Variants in SBF2 observed in about 807,000 individuals in gnomAD.
SBF2 encodes the protein SET binding factor 2, also known as myotubularin-related protein 13.
SBF2 carries 112 observed loss-of-function variants against 225.2 expected under a neutral mutation model. The observed-to-expected ratio is 0.50, with a 90% CI of 0.43 to 0.58. SBF2 has a LOEUF of 0.58. SBF2 is among the 20% of genes least tolerant of loss of function. SBF2 has a pLI of 0.00. For missense variants in SBF2, 1,996 were observed against 2,206.2 expected, an observed-to-expected ratio of 0.90 and a Z score of 1.91; for synonymous variants, 763 against 773.3, an observed-to-expected ratio of 0.99 and a Z score of 0.22.
intron 1 of SBF2, among the ~76,000 whole-genome samples, chr11:10,304,297 A>G (rs1178804426): frequency 6.6e-6 from 1 of 152,222 alleles, no homozygotes; most frequent in African/African-American, 2.4e-5. Context: ...GCCAGGCACA[A>G]TCTCAGGTTA....
intron 6 of SBF2, among the ~76,000 whole-genome samples, chr11:10,009,321 A>G (rs1054719485): frequency 6.6e-6 from 1 of 152,152 alleles, no homozygotes; most frequent in Non-Finnish European, 1.5e-5. Flanking sequence ...AGGTTTGCCA[A>G]ATAGGTATAC....
At chr11:10,164,794 C>T (rs1050054895) in intron 2 of SBF2, among the ~76,000 whole-genome samples, 2 of 151,982 alleles carry the variant, frequency 1.3e-5, no homozygotes, top group Non-Finnish European at 2.9e-5. Context: ...TCTATACACC[C>T]ATACCACAGC....
chr11:10,022,988 G>C (rs1948918261), intron 6 of SBF2, among the ~76,000 whole-genome samples: 2 of 152,068 alleles, frequency 1.3e-5, no homozygotes, highest in Admixed American at 1.3e-4. Flanking sequence ...CATAATACTT[G>C]CTTGTTTTTC....
intron 17 of SBF2, among the ~76,000 whole-genome samples, chr11:9,877,643 G>C (rs1036050590): frequency 6.6e-6 from 1 of 152,052 alleles, no homozygotes; most frequent in African/African-American, 2.4e-5. Flanking sequence ...GAGAACATGC[G>C]GTGTTTGGTT....
chr11:10,245,279 C>T (rs10770103), intron 1 of SBF2, among the ~76,000 whole-genome samples: 1 of 151,888 alleles, frequency 6.6e-6, no homozygotes, highest in African/African-American at 2.4e-5. Context: ...TGTGGGAGTG[C>T]ATGCCTGCAA....
At chr11:10,164,106 C>T (rs541800182) in intron 2 of SBF2, among the ~76,000 whole-genome samples, 1 of 152,164 alleles carries the variant, frequency 6.6e-6, no homozygotes, top group Non-Finnish European at 1.5e-5. Context: ...AGTCATCCAA[C>T]CAAACCCTGT....
intron 1 of SBF2, among the ~76,000 whole-genome samples, chr11:10,255,785 T>C (rs774986085): frequency 6.6e-6 from 1 of 152,186 alleles, no homozygotes; most frequent in African/African-American, 2.4e-5. Flanking sequence ...TGGTCATCCA[T>C]AAAATTAAGA....
intron 4 of SBF2, among the ~76,000 whole-genome samples, chr11:10,030,172 CAACTT>C (rs1451184885): frequency 1.3e-5 from 2 of 152,152 alleles, no homozygotes; most frequent in Non-Finnish European, 2.9e-5. Context: ...GTTTTTGCCT[CAACTT>C]AAGTCTGTTA....
intron 38 of SBF2, 80 bp from the exon 39 acceptor site, chr11:9,781,718 C>T (rs1852020708): frequency 6.6e-7 from 1 of 1,516,300 alleles, no homozygotes; most frequent in Non-Finnish European, 9.1e-7. Context: ...ATTTGAATAC[C>T]TTCCTCTGTA....
At position 9,994,144 on chromosome 11, in the gene SBF2, A is replaced by T; in HGVS notation, c.976-146T>A. 7.0e-6 allele frequency: 5 copies of T among 718,266 alleles called. No individual in the cohort carries two copies. The South Asian group carries it at 8.4e-5, about 12-fold the overall frequency. The allele number at this position is 718,266 out of a possible 1,614,324, so 44.5% of individuals were successfully genotyped here. ...AATTAGCTGGGGTAGTTCTATATGT[A>T]CTATTGTAGAAAGATCTCCAAGACA... On this transcript the variant is annotated intron_variant, in intron 9 of 39. Transcript: ENST00000256190.
chr11:10,130,723 C>A, intron 2 of SBF2, among the ~76,000 whole-genome samples: 1 of 152,138 alleles, frequency 6.6e-6, no homozygotes, highest in East Asian at 1.9e-4. Flanking sequence ...CCATGACTAC[C>A]ATTAATTTCC....
intron 1 of SBF2, among the ~76,000 whole-genome samples, chr11:10,266,655 A>AG (rs1962020554): frequency 6.6e-6 from 1 of 152,264 alleles, no homozygotes; most frequent in Admixed American, 6.5e-5. Flanking sequence ...ACACTTGATT[A>AG]GTTATTTCCT....
intron 28 of SBF2, chr11:9,828,242 G>C: frequency 1.6e-6 from 2 of 1,284,918 alleles, no homozygotes; most frequent in Non-Finnish European, 2.0e-6. Flanking sequence ...CCAAAAAGAA[G>C]AACAAAAACC....
At chr11:9,884,486 A>T (rs1043761847) in intron 17 of SBF2, among the ~76,000 whole-genome samples, 2 of 152,234 alleles carry the variant, frequency 1.3e-5, no homozygotes, top group African/African-American at 4.8e-5. Flanking sequence ...AGGAATTCCT[A>T]CTATACTGCA....
chr11:9,825,749 T>G (rs893549690), intron 28 of SBF2, among the ~76,000 whole-genome samples: 2 of 152,136 alleles, frequency 1.3e-5, no homozygotes, highest in Non-Finnish European at 2.9e-5. Flanking sequence ...AAGCACTGAT[T>G]CGTATAATAA....
Position 10,194,526 on chromosome 11 carries a change from T to A in SBF2, c.56-539A>T, listed in dbSNP as rs184548400. Among the ~76,000 whole-genome samples, 135 of 152,288 alleles carry A rather than the reference T, an allele frequency of 8.9e-4. 1 individual carries two copies. The highest frequency in any genetic ancestry group is 7.4e-5 in the Non-Finnish European group (5 of 68,016). On this transcript the variant is annotated intron_variant, in intron 1 of 39. Transcript: ENST00000256190. ...AATCTCTATTCTATAAACACTTTTTTTTGAGGCAGAGTCTTGCTCTGTTGT... is the reference window on the plus strand; with the variant it reads ...AATCTCTATTCTATAAACACTTTTTATTGAGGCAGAGTCTTGCTCTGTTGT...
chr11:10,073,576 G>T (rs1471706431), intron 2 of SBF2, among the ~76,000 whole-genome samples: 1 of 152,092 alleles, frequency 6.6e-6, no homozygotes, highest in Non-Finnish European at 1.5e-5. Context: ...AACTAGCTGG[G>T]TGTGGTGGCA....
At chr11:10,076,232 T>C (rs1179106902) in intron 2 of SBF2, among the ~76,000 whole-genome samples, 1 of 152,084 alleles carries the variant, frequency 6.6e-6, no homozygotes, top group East Asian at 1.9e-4. Flanking sequence ...AGATCTTAAG[T>C]TGGAGAACAG....
At chr11:9,843,438 AC>A (rs1468936781) in intron 24 of SBF2, among the ~76,000 whole-genome samples, 4 of 152,228 alleles carry the variant, frequency 2.6e-5, no homozygotes, top group African/African-American at 9.6e-5. Flanking sequence ...GATGTAATGG[AC>A]CTAGAAGTAC....
Sources: gnomAD v4.1 joint callset for allele counts (sites outside exome capture counted in the v4.1 genomes callset) on GRCh38, gnomAD v4.1.1 for gene constraint, MANE v1.5 for transcripts, NCBI Gene and HGNC (gene_info 2026-07-23, HGNC 2026-07-21) for gene names.